The following SEM1 variants were observed in gnomAD, a reference collection of about 807,000 sequenced individuals.
SEM1 encodes SEM1 26S proteasome subunit, also known as 26S proteasome complex subunit SEM1.
Under a neutral mutation model 12.7 loss-of-function variants are expected in SEM1, and 3 were observed. The ratio of observed to expected loss-of-function variants is 0.24; its 90% confidence interval spans 0.11 to 0.61. SEM1 has a LOEUF of 0.61. Among genes scored for constraint, SEM1 ranks in the 20% least tolerant of loss-of-function variants. The probability of loss-of-function intolerance (pLI) is 0.88; values close to 1 mark genes in which losing one functional copy is unlikely to be tolerated. For missense variants in SEM1, 59 were observed against 81.3 expected, an observed-to-expected ratio of 0.73 and a Z score of 1.06; for synonymous variants, 30 against 27.8, an observed-to-expected ratio of 1.08 and a Z score of -0.25.
At chr7:96,618,906 A>T (rs1190976346), downstream of SEM1, among the ~76,000 whole-genome samples, 4 of 152,274 alleles carry the variant, frequency 2.6e-5, no homozygotes, top group Admixed American at 6.5e-5. Context: ...AGCCATGATT[A>T]CACCTCTGCA....
intron 2 of SEM1, among the ~76,000 whole-genome samples, chr7:96,694,285 T>C (rs975848780): frequency 6.6e-6 from 1 of 151,976 alleles, no homozygotes; most frequent in African/African-American, 2.4e-5. Context: ...GGTTGCACAA[T>C]ATTGAGGATG....
chr7:96,700,098 TTAGTACTGATA>T (rs1790223806), intron 1 of SEM1, among the ~76,000 whole-genome samples: 2 of 152,210 alleles, frequency 1.3e-5, no homozygotes, highest in African/African-American at 2.4e-5. Flanking sequence ...TGTAAAGCAC[TTAGTACTGATA>T]AATGGCAGCT....
chr7:96,611,826 A>G (rs1214832934), intron 2 of SEM1, among the ~76,000 whole-genome samples: 1 of 152,132 alleles, frequency 6.6e-6, no homozygotes, highest in African/African-American at 2.4e-5. Context: ...GCCCAACTGT[A>G]TTTTAATATA....
chr7:96,557,203 T>G (rs1805539200), intron 2 of SEM1, among the ~76,000 whole-genome samples: 1 of 151,684 alleles, frequency 6.6e-6, no homozygotes, highest in Non-Finnish European at 1.5e-5. Context: ...TCAAAGTCAT[T>G]CTCTATCCAG....
At chr7:96,656,207 T>C (rs1563100212) in intron 2 of SEM1, among the ~76,000 whole-genome samples, 1 of 152,228 alleles carries the variant, frequency 6.6e-6, no homozygotes, top group Non-Finnish European at 1.5e-5. Context: ...ACACAAGATG[T>C]TGCCTGATCT....
chr7:96,529,508 C>T (rs4490763), intron 2 of SEM1, among the ~76,000 whole-genome samples: 24,316 of 151,940 alleles, frequency 0.16, 2,048 homozygotes, highest in Middle Eastern at 0.28. Flanking sequence ...ATCTCTTCCT[C>T]ATAAAAATAT....
intron 2 of SEM1, among the ~76,000 whole-genome samples, chr7:96,675,766 A>C (rs1461904650): frequency 6.6e-6 from 1 of 152,142 alleles, no homozygotes; most frequent in Admixed American, 6.6e-5. Context: ...ATCCTAAGTG[A>C]GTGATGCAAA....
chr7:96,684,963 T>C (rs1027566673), downstream of SEM1, among the ~76,000 whole-genome samples: 3 of 152,016 alleles, frequency 2.0e-5, no homozygotes, highest in Admixed American at 6.6e-5. Context: ...GCCATTAAGG[T>C]AGCTGGAAAA....
intron 2 of SEM1, among the ~76,000 whole-genome samples, chr7:96,636,498 A>C (rs1052950622): frequency 2.0e-5 from 3 of 151,976 alleles, no homozygotes; most frequent in Non-Finnish European, 4.4e-5. Flanking sequence ...ATGGAGAAAA[A>C]TCCAAGAAGC....
At chr7:96,687,112 C>T (rs1454259952), downstream of SEM1, among the ~76,000 whole-genome samples, 3 of 152,114 alleles carry the variant, frequency 2.0e-5, no homozygotes, top group African/African-American at 7.2e-5. Context: ...GTTAGAATGG[C>T]AATCATTAAA....
intron 2 of SEM1, chr7:96,650,420 G>T (rs1474919399): frequency 2.8e-6 from 2 of 704,704 alleles, no homozygotes; most frequent in East Asian, 5.3e-5. Flanking sequence ...GGCAGTAGAT[G>T]GGCACCTCGC....
At chr7:96,600,863 G>C (rs1383939150) in intron 2 of SEM1, among the ~76,000 whole-genome samples, 1 of 152,198 alleles carries the variant, frequency 6.6e-6, no homozygotes, top group African/African-American at 2.4e-5. Context: ...AGCAAGTTTG[G>C]AGAGAGTAGT....
At chr7:96,642,566 A>G (rs1248072779) in intron 2 of SEM1, among the ~76,000 whole-genome samples, 3 of 150,978 alleles carry the variant, frequency 2.0e-5, no homozygotes, top group African/African-American at 7.3e-5. Flanking sequence ...AGTCCTTTGC[A>G]TCTTTGAGTT....
chr7:96,536,150 G>A (rs187212476), intron 2 of SEM1, among the ~76,000 whole-genome samples: 2 of 151,904 alleles, frequency 1.3e-5, no homozygotes, highest in East Asian at 3.9e-4. Context: ...AATTCAAAAT[G>A]TTTTAAAATT....
chr7:96,559,692 T>G (rs1028307486), intron 2 of SEM1, among the ~76,000 whole-genome samples: 5 of 152,172 alleles, frequency 3.3e-5, no homozygotes, highest in African/African-American at 9.7e-5. Context: ...TTGTAGAGAG[T>G]ACTAGAGCTC....
At chr7:96,507,392 A>G (rs1249185576) in intron 2 of SEM1, among the ~76,000 whole-genome samples, 2 of 152,158 alleles carry the variant, frequency 1.3e-5, no homozygotes, top group Admixed American at 6.6e-5. Flanking sequence ...ATCACTCAGC[A>G]TATAACTACT....
chr7:96,699,506 G>A (rs1053775513), intron 1 of SEM1, among the ~76,000 whole-genome samples: 3 of 152,156 alleles, frequency 2.0e-5, no homozygotes, highest in Non-Finnish European at 4.4e-5. Flanking sequence ...CTGGTCAGAG[G>A]CTTAAAGCTT....
At chr7:96,483,732 G>T in exon 4 of SEM1, 3 of 1,249,926 alleles carry the variant, frequency 2.4e-6, no homozygotes, top group Non-Finnish European at 3.4e-6. Context: ...CACACAGAAA[G>T]CTAGGAAGTA....
intron 2 of SEM1, among the ~76,000 whole-genome samples, chr7:96,594,425 T>C (rs797020570): frequency 3.3e-5 from 5 of 152,186 alleles, no homozygotes; most frequent in African/African-American, 9.6e-5. Context: ...AAAAATTAGC[T>C]TGAAGCTCCT....
Sources: allele counts gnomAD v4.1 joint callset (sites outside exome capture counted in the v4.1 genomes callset), GRCh38; gene constraint gnomAD v4.1.1; transcripts MANE v1.5; gene names NCBI Gene and HGNC (gene_info 2026-07-23, HGNC 2026-07-21).